The following PPP4R2 variants were observed in gnomAD, a reference collection of about 807,000 sequenced individuals.
PPP4R2 encodes the protein protein phosphatase 4 regulatory subunit 2.
PPP4R2 carries 13 observed loss-of-function variants against 47.2 expected under a neutral mutation model. The observed-to-expected ratio is 0.28, with a 90% CI of 0.18 to 0.44. The LOEUF (loss-of-function observed/expected upper bound fraction) is 0.44. PPP4R2 is among the 20% of genes least tolerant of loss of function. The pLI is 1.00. For synonymous variants in PPP4R2, 151 were observed against 163.3 expected (o/e 0.92, Z 0.57); for missense variants, 421 against 491.2 (o/e 0.86, Z 1.35).
At chr3:73,017,663 ACT>A (rs1404302670) in intron 2 of PPP4R2, among the ~76,000 whole-genome samples, 54 of 151,814 alleles carry the variant, frequency 3.6e-4, no homozygotes, top group Non-Finnish European at 1.5e-5. Context: ...CATTTTGGAA[ACT>A]CTTGACAAAG....
intron 2 of PPP4R2, among the ~76,000 whole-genome samples, chr3:73,036,047 A>T (rs1702255389): frequency 6.6e-6 from 1 of 152,248 alleles, no homozygotes; most frequent in Non-Finnish European, 1.5e-5. Context: ...AGTGAAATAC[A>T]GTCCAATTCA....
chr3:73,062,337 T>C, intron 5 of PPP4R2: 1 of 1,608,002 alleles, frequency 6.2e-7, no homozygotes, highest in Middle Eastern at 1.7e-4. Flanking sequence ...AAACAGACAG[T>C]ATCCACTGGA....
chr3:73,060,932 A>AC (rs1357677158), intron 4 of PPP4R2, 91 bp from the exon 5 acceptor site: 34 of 814,750 alleles, frequency 4.2e-5, no homozygotes, highest in Admixed American at 1.3e-4. Flanking sequence ...TGGGAATTTA[A>AC]CCCACCAGAG....
chr3:72,996,932 AG>A lies in PPP4R2; in HGVS notation c.-105del. On this transcript the variant is annotated 5_prime_UTR_variant, in exon 1 of 9. It adds an upstream start codon to the 5' untranslated region. Transcript: ENST00000356692. ...CCCCCCCCGGTCGCCTGCGTGCCGGAGTGTGTGCGAGGGAGGGGGAGGGCGT... is the reference window on the plus strand; with the variant it reads ...CCCCCCCCGGTCGCCTGCGTGCCGGATGTGTGCGAGGGAGGGGGAGGGCGT... 1.3e-6 allele frequency: 1 copy of A among 766,812 alleles called. No individual in the cohort carries two copies. Among genetic ancestry groups the A allele is most frequent in the Non-Finnish European group, 1.8e-6 (1 of 552,810 alleles). 47.5% of individuals were successfully genotyped at this position (766,812 alleles called of 1,614,324 possible).
At chr3:73,039,326 T>C (rs1186885438) in intron 2 of PPP4R2, among the ~76,000 whole-genome samples, 1 of 152,104 alleles carries the variant, frequency 6.6e-6, no homozygotes, top group African/African-American at 2.4e-5. Flanking sequence ...TTTCACCATG[T>C]TGGCTAGGCT....
chr3:73,036,465 G>T (rs1368763434), intron 2 of PPP4R2, among the ~76,000 whole-genome samples: 1 of 152,144 alleles, frequency 6.6e-6, no homozygotes, highest in Non-Finnish European at 1.5e-5. Flanking sequence ...AATACACGTT[G>T]CAAACATGTA....
At chr3:73,036,460 A>G (rs1702262492) in intron 2 of PPP4R2, among the ~76,000 whole-genome samples, 1 of 152,262 alleles carries the variant, frequency 6.6e-6, no homozygotes, top group Admixed American at 6.5e-5. Flanking sequence ...TGACCAATAC[A>G]CGTTGCAAAC....
intron 2 of PPP4R2, among the ~76,000 whole-genome samples, chr3:73,000,133 T>A (rs1193750616): frequency 2.0e-5 from 3 of 152,196 alleles, no homozygotes; most frequent in African/African-American, 7.2e-5. Context: ...TGCCTGTATC[T>A]CAGCACTTTG....
intron 3 of PPP4R2, among the ~76,000 whole-genome samples, chr3:73,057,902 C>CT (rs1252271855): frequency 6.6e-6 from 1 of 152,118 alleles, no homozygotes; most frequent in South Asian, 2.1e-4. Context: ...AAATGAAGAC[C>CT]TTTGTGAATG....
In PPP4R2 at chr3:73,028,256, CAAAA is replaced by C. The variant is rs60279021; in HGVS notation, c.117-18914_117-18911del. Reference sequence around the variant, plus strand: ...TGGGTGTCAGAGCAAGACTCCGTCTCAAAAAAAAAAAAAAAAAAAGACGGGGTCT... The same window carrying C: ...TGGGTGTCAGAGCAAGACTCCGTCTCAAAAAAAAAAAAAAAGACGGGGTCT... On this transcript the variant is annotated intron_variant, in intron 2 of 8. Transcript: ENST00000356692. Among the ~76,000 whole-genome samples, 698 of 120,444 alleles carry C rather than the reference CAAAA, an allele frequency of 5.8e-3. 4 individuals carry two copies. Among genetic ancestry groups the C allele is most frequent in the African/African-American group, 0.018 (608 of 33,122 alleles). The allele number at this position is 120,444 out of a possible 152,430, so 79.0% of individuals were successfully genotyped here.
chr3:73,048,087 G>C (rs963572375), intron 3 of PPP4R2, among the ~76,000 whole-genome samples: 10 of 152,132 alleles, frequency 6.6e-5, no homozygotes. Flanking sequence ...ATGTTAGCCA[G>C]GATGGTCTCG....
chr3:73,043,286 A>G (rs543594679), intron 2 of PPP4R2, among the ~76,000 whole-genome samples: 2 of 134,358 alleles, frequency 1.5e-5, no homozygotes, highest in East Asian at 2.1e-4. Flanking sequence ...TATTAGGCAT[A>G]TCAAAAATTC....
intron 3 of PPP4R2, among the ~76,000 whole-genome samples, chr3:73,058,803 C>T (rs558859759): frequency 1.3e-5 from 2 of 150,098 alleles, no homozygotes. Context: ...CCTCCCCCCC[C>T]ACCTTTATTG....
intron 2 of PPP4R2, among the ~76,000 whole-genome samples, chr3:73,005,176 C>T (rs1439990508): frequency 2.0e-5 from 3 of 151,942 alleles, no homozygotes; most frequent in Non-Finnish European, 4.4e-5. Context: ...CTCTTGACCT[C>T]GTGATCTCCC....
chr3:73,068,840 G>GA lies in PPP4R2; in HGVS notation c.*3122dup, dbSNP rs1315108658. The GA allele has an allele frequency of 6.6e-6, 1 of 152,212 alleles. No individual in the cohort carries two copies. Among genetic ancestry groups the GA allele is most frequent in the African/African-American group, 2.4e-5 (1 of 41,444 alleles). 9.4% of individuals were successfully genotyped at this position (152,212 alleles called of 1,614,324 possible). A position where few individuals can be genotyped will look rare whatever the true frequency, so the allele number is the denominator to read the frequency against. On this transcript the variant is annotated 3_prime_UTR_variant, in exon 9 of 9. Transcript: ENST00000356692. ...GAAAAAAATGTAACATGGTAAGGAT[G>GA]AAAATGCAACTTACAAAACCAAAGG...
At chr3:73,031,226 T>C (rs549647832) in intron 2 of PPP4R2, among the ~76,000 whole-genome samples, 4 of 152,240 alleles carry the variant, frequency 2.6e-5, no homozygotes, top group African/African-American at 7.2e-5. Flanking sequence ...TCTATACTTT[T>C]CTGTTAGTTG....
intron 5 of PPP4R2, chr3:73,061,787 C>T (rs932939902): frequency 9.3e-5 from 30 of 323,292 alleles, no homozygotes; most frequent in African/African-American, 6.6e-4. Flanking sequence ...CTCACTGCAG[C>T]CTTAAACTCT....
At position 73,068,934 on chromosome 3, in the gene PPP4R2, G is replaced by A; in HGVS notation, c.*3212G>A. ...GAATTTAACATTGGTTTTGATGAAG[G>A]TGAGGGTCAGTTCTCAAGATTTGTG... On this transcript the variant is annotated 3_prime_UTR_variant, in exon 9 of 9. Transcript: ENST00000356692. 7.1e-5 allele frequency: 1 copy of A among 14,040 alleles called. No homozygotes were observed. Among genetic ancestry groups the A allele is most frequent in the South Asian group, 3.2e-3 (1 of 310 alleles). The allele number at this position is 14,040 out of a possible 1,614,324, so 0.9% of individuals were successfully genotyped here. A position where few individuals can be genotyped will look rare whatever the true frequency, so the allele number is the denominator to read the frequency against.
intron 3 of PPP4R2, among the ~76,000 whole-genome samples, chr3:73,058,592 A>G (rs1013383208): frequency 2.0e-5 from 3 of 152,082 alleles, no homozygotes; most frequent in Admixed American, 6.5e-5. Context: ...GAGCCATACA[A>G]TGCATTATAA....
Sources: gnomAD v4.1 joint callset for allele counts (sites outside exome capture counted in the v4.1 genomes callset) on GRCh38, gnomAD v4.1.1 for gene constraint, MANE v1.5 for transcripts, NCBI Gene and HGNC (gene_info 2026-07-23, HGNC 2026-07-21) for gene names.